The following GALNT13 variants were observed in gnomAD, a reference collection of about 807,000 sequenced individuals.
GALNT13 encodes the protein UDP-GalNAc:polypeptide N-acetylgalactosaminyltransferase 13.
Under a neutral mutation model 64.2 loss-of-function variants are expected in GALNT13, and 28 were observed. The ratio of observed to expected loss-of-function variants is 0.44; its 90% CI spans 0.32 to 0.60. The LOEUF is 0.60. Ranked by LOEUF, GALNT13 falls within the 20% of genes least tolerant of loss-of-function variation. The pLI, the probability that GALNT13 is intolerant of heterozygous loss-of-function variation, is 0.05. For missense variants in GALNT13, 577 were observed against 669.8 expected (o/e 0.86, Z 1.53); for synonymous variants, 214 against 224.6 (o/e 0.95, Z 0.42).
intron 9 of GALNT13, among the ~76,000 whole-genome samples, chr2:154,309,588 G>A (rs1315371558): frequency 3.3e-5 from 5 of 152,128 alleles, no homozygotes; most frequent in Non-Finnish European, 1.5e-5. Flanking sequence ...CACTTTTGAA[G>A]TAACTAATCC....
the GALNT13 span, among the ~76,000 whole-genome samples, chr2:153,653,199 A>G: frequency 8.5e-5 from 13 of 152,050 alleles, no homozygotes; most frequent in Admixed American, 1.3e-4. Flanking sequence ...TACGTTTGTT[A>G]GGGATCAACA....
chr2:154,065,624 C>A (rs1700421176), intron 3 of GALNT13, among the ~76,000 whole-genome samples: 1 of 152,170 alleles, frequency 6.6e-6, no homozygotes, highest in Non-Finnish European at 1.5e-5. Flanking sequence ...AACGCGGTAC[C>A]TCTGTGAGTC....
At chr2:153,415,118 A>G in the GALNT13 span, among the ~76,000 whole-genome samples, 1 of 152,172 alleles carries the variant, frequency 6.6e-6, no homozygotes, top group Admixed American at 6.5e-5. Context: ...TGTTAAAAAA[A>G]AGGAAAAGAC....
chr2:154,366,978 A>G (rs1035370042), intron 9 of GALNT13, among the ~76,000 whole-genome samples: 7 of 151,798 alleles, frequency 4.6e-5, no homozygotes, highest in African/African-American at 1.2e-4. Context: ...ACCATGGAAT[A>G]CTCTCCCTTA....
intron 11 of GALNT13, among the ~76,000 whole-genome samples, chr2:154,410,671 C>T (rs546403822): frequency 1.3e-5 from 2 of 152,036 alleles, no homozygotes; most frequent in South Asian, 2.1e-4. Flanking sequence ...AGCTGCTTCT[C>T]ACAGTTCATT....
intron 3 of GALNT13, among the ~76,000 whole-genome samples, chr2:153,953,350 A>G (rs1396086622): frequency 4.6e-5 from 7 of 152,184 alleles, no homozygotes; most frequent in Admixed American, 4.6e-4. Flanking sequence ...AATTTTAAGT[A>G]TTAACTATTC....
Position 153,936,038 on chromosome 2 carries a change from C to T in GALNT13, c.-104-8356C>T, listed in dbSNP as rs1201808090. Among the ~76,000 whole-genome samples, 7 of 152,186 alleles carry T rather than the reference C, an allele frequency of 4.6e-5. No homozygotes were observed. The East Asian group carries it at 9.6e-4, about 21-fold the overall frequency. ...AAATATACAGAGACTCATTATACCT[C>T]CCATGTTTGCCCACATAGGCCATTG... On this transcript the variant is annotated intron_variant, in intron 2 of 12. Transcript: ENST00000392825.
the GALNT13 span, among the ~76,000 whole-genome samples, chr2:153,432,767 A>T: frequency 6.6e-6 from 1 of 152,100 alleles, no homozygotes; most frequent in Non-Finnish European, 1.5e-5. Flanking sequence ...GTTTCATTTT[A>T]GTTGTTTTAT....
chr2:153,331,228 G>T, the GALNT13 span, among the ~76,000 whole-genome samples: 2 of 147,580 alleles, frequency 1.4e-5, no homozygotes, highest in African/African-American at 2.5e-5. Context: ...ATTGGCCTAT[G>T]TTTTTTTTTT....
the GALNT13 span, among the ~76,000 whole-genome samples, chr2:153,787,439 C>T: frequency 1.3e-5 from 2 of 152,182 alleles, no homozygotes; most frequent in East Asian, 1.9e-4. Flanking sequence ...AATAAGCCTA[C>T]TGACTGTACT....
the GALNT13 span, among the ~76,000 whole-genome samples, chr2:153,825,471 T>C: frequency 1.3e-5 from 2 of 152,206 alleles, no homozygotes; most frequent in East Asian, 3.8e-4. Flanking sequence ...AAGTAAGTTA[T>C]TAATAGATTA....
the GALNT13 span, among the ~76,000 whole-genome samples, chr2:153,075,426 A>AT: frequency 6.6e-6 from 1 of 152,270 alleles, no homozygotes; most frequent in Non-Finnish European, 1.5e-5. Context: ...TCACATACTA[A>AT]TTTTTCTTAC....
the GALNT13 span, among the ~76,000 whole-genome samples, chr2:153,615,501 A>G: frequency 6.6e-6 from 1 of 152,066 alleles, no homozygotes; most frequent in Non-Finnish European, 1.5e-5. Flanking sequence ...AACCATGTAC[A>G]AGGGTTGTCT....
At chr2:154,003,910 CAGAA>C (rs1347182711) in intron 3 of GALNT13, among the ~76,000 whole-genome samples, 1 of 152,120 alleles carries the variant, frequency 6.6e-6, no homozygotes, top group Non-Finnish European at 1.5e-5. Flanking sequence ...TCCCCAGAAG[CAGAA>C]ACCACTATAC....
chr2:154,135,181 T>TCCTG (rs1400451178), intron 3 of GALNT13, among the ~76,000 whole-genome samples: 1 of 152,182 alleles, frequency 6.6e-6, no homozygotes. Context: ...CTTTCTTCCT[T>TCCTG]CCTGCCTGCC....
At chr2:153,399,787 T>G in the GALNT13 span, among the ~76,000 whole-genome samples, 1 of 152,174 alleles carries the variant, frequency 6.6e-6, no homozygotes, top group Non-Finnish European at 1.5e-5. Flanking sequence ...ATCCTGGGAC[T>G]TTGCTGAAGT....
At chr2:154,383,272 T>G (rs1698360525) in intron 9 of GALNT13, among the ~76,000 whole-genome samples, 1 of 151,966 alleles carries the variant, frequency 6.6e-6, no homozygotes, top group Non-Finnish European at 1.5e-5. Flanking sequence ...CTATGCATGA[T>G]GCACTGTTTG....
chr2:153,094,469 A>G, the GALNT13 span, among the ~76,000 whole-genome samples: 50 of 152,200 alleles, frequency 3.3e-4, no homozygotes, highest in Non-Finnish European at 6.3e-4. Context: ...TGCCCAAGGT[A>G]ATTTAGAGAT....
chr2:153,683,427 T>C, the GALNT13 span, among the ~76,000 whole-genome samples: 1 of 39,342 alleles, frequency 2.5e-5, no homozygotes, highest in Non-Finnish European at 6.4e-5. Context: ...GGTTTGCATA[T>C]ACGTAAATGG....
Sources: allele counts gnomAD v4.1 joint callset (sites outside exome capture counted in the v4.1 genomes callset), GRCh38; gene constraint gnomAD v4.1.1; transcripts MANE v1.5; gene names NCBI Gene and HGNC (gene_info 2026-07-23, HGNC 2026-07-21).